The following MARK3 variants were observed in gnomAD, a reference collection of about 807,000 sequenced individuals.
MARK3 encodes the protein MAP/microtubule affinity-regulating kinase 3.
A neutral mutation model predicts 90.1 loss-of-function variants in MARK3; 46 were observed. That is an observed-to-expected ratio of 0.51 (90% CI 0.40 to 0.65). The LOEUF (loss-of-function observed/expected upper bound fraction) is 0.65. Among genes scored for constraint, MARK3 ranks in the 30% least tolerant of loss-of-function variants. MARK3 has a pLI of 0.00. For synonymous variants in MARK3, 321 were observed against 332.6 expected, an observed-to-expected ratio of 0.97 and a Z score of 0.38; for missense variants, 818 against 947.2, an observed-to-expected ratio of 0.86 and a Z score of 1.79.
rs2093605076 is a variant in MARK3, at chr14:103,470,455, A to ATTTTTTTTTTTATTTTTATTT, written c.1264+2280_1264+2281insATTTTTATTTTTTTTTTTTTT. 3.6e-5 allele frequency among the ~76,000 whole-genome samples: 2 copies of ATTTTTTTTTTTATTTTTATTT among 55,050 alleles called. 1 individual carries two copies. Among genetic ancestry groups the ATTTTTTTTTTTATTTTTATTT allele is most frequent in the South Asian group, 2.3e-3 (2 of 880 alleles). The allele number at this position is 55,050 out of a possible 152,430, so 36.1% of individuals were successfully genotyped here. On this transcript the variant is annotated intron_variant, in intron 12 of 17. Transcript: ENST00000429436. The stretch of plus-strand genomic sequence containing the variant: ...ATTCCAGGATTCAGGAACTAAATCT[A>ATTTTTTTTTTTATTTTTATTT]TTTTTTTTTTTTTTTTTGAGATGGA...
intron 2 of MARK3, among the ~76,000 whole-genome samples, chr14:103,406,086 G>C (rs759385046): frequency 6.6e-6 from 1 of 151,612 alleles, no homozygotes; most frequent in Non-Finnish European, 1.5e-5. Context: ...GTAGAGACAG[G>C]GTTCTCACCG....
chr14:103,391,089 G>C (rs1487895672), intron 1 of MARK3, among the ~76,000 whole-genome samples: 4 of 152,162 alleles, frequency 2.6e-5, no homozygotes. Context: ...CTCAGCCACA[G>C]GGTGATTTTG....
intron 2 of MARK3, 66 bp from the exon 3 acceptor site, chr14:103,428,321 C>G (rs2092475430): frequency 2.4e-6 from 2 of 820,772 alleles, no homozygotes; most frequent in South Asian, 1.8e-5. Context: ...TGCCATATAT[C>G]TTGGCATTTA....
chr14:103,392,020 T>C (rs1475585620), intron 1 of MARK3, among the ~76,000 whole-genome samples: 3 of 152,212 alleles, frequency 2.0e-5, no homozygotes, highest in Non-Finnish European at 4.4e-5. Flanking sequence ...GGTAATGTTA[T>C]TGGCCAAAGT....
intron 10 of MARK3, 127 bp downstream of exon 10, chr14:103,466,569 G>T: frequency 1.6e-6 from 1 of 613,694 alleles, no homozygotes; most frequent in South Asian, 2.5e-5. Context: ...CAGTTTATCT[G>T]TTCTGTCATA....
intron 5 of MARK3, among the ~76,000 whole-genome samples, chr14:103,456,553 C>T (rs2093282447): frequency 6.6e-6 from 1 of 152,224 alleles, no homozygotes; most frequent in African/African-American, 2.4e-5. Flanking sequence ...CACACAGGCT[C>T]ACTTGTCTGT....
intron 2 of MARK3, among the ~76,000 whole-genome samples, chr14:103,424,973 G>T (rs958622503): frequency 4.0e-5 from 6 of 151,820 alleles, no homozygotes; most frequent in African/African-American, 1.5e-4. Context: ...AGGGAGTCTC[G>T]CTGTCTTGCC....
chr14:103,406,888 C>T (rs962178397), intron 2 of MARK3, among the ~76,000 whole-genome samples: 2 of 152,066 alleles, frequency 1.3e-5, no homozygotes, highest in African/African-American at 4.8e-5. Context: ...GGCTGGAGTG[C>T]AGTGGTGCAA....
At chr14:103,430,118 T>C (rs2092536914) in intron 3 of MARK3, among the ~76,000 whole-genome samples, 1 of 152,198 alleles carries the variant, frequency 6.6e-6, no homozygotes, top group Non-Finnish European at 1.5e-5. Context: ...CTGAATTAAT[T>C]TTGACTTATA....
At chr14:103,450,921 CTTTTTTTT>C (rs869030067) in intron 4 of MARK3, among the ~76,000 whole-genome samples, 1 of 52,612 alleles carries the variant, frequency 1.9e-5, no homozygotes, top group Non-Finnish European at 3.5e-5. Flanking sequence ...TGTGTGTATT[CTTTTTTTT>C]TTTTTTTTTT....
chr14:103,412,490 A>T (rs751081417), intron 2 of MARK3: 5 of 506,606 alleles, frequency 9.9e-6, no homozygotes, highest in Non-Finnish European at 1.8e-5. Context: ...CTTATTCTTG[A>T]GTTTTTTTGG....
At chr14:103,429,960 C>T (rs2092531524) in intron 3 of MARK3, among the ~76,000 whole-genome samples, 1 of 152,076 alleles carries the variant, frequency 6.6e-6, no homozygotes, top group African/African-American at 2.4e-5. Context: ...TTCTTGTTTG[C>T]TTGCTTCCTT....
At chr14:103,501,609 G>A (rs932659604) in intron 17 of MARK3, among the ~76,000 whole-genome samples, 1 of 151,956 alleles carries the variant, frequency 6.6e-6, no homozygotes. Context: ...GCTCTCCTCA[G>A]ATGCAGGCCC....
At chr14:103,457,271 A>G in intron 6 of MARK3, 59 bp downstream of exon 6, 1 of 1,290,336 alleles carries the variant, frequency 7.7e-7, no homozygotes, top group Non-Finnish European at 1.1e-6. Context: ...TTAAACCCTG[A>G]AGCAAACAAG....
intron 11 of MARK3, 92 bp downstream of exon 11, chr14:103,467,283 A>C: frequency 1.7e-6 from 1 of 578,830 alleles, no homozygotes; most frequent in Non-Finnish European, 3.0e-6. Flanking sequence ...GAATATTTGT[A>C]ACATTTGATA....
intron 11 of MARK3, chr14:103,467,699 A>G (rs770747625): frequency 9.4e-4 from 141 of 150,606 alleles, no homozygotes; most frequent in Non-Finnish European, 1.7e-3. Context: ...AAAAAAAAAG[A>G]TGGATGTTGT....
At chr14:103,457,731 T>G (rs887103533) in intron 6 of MARK3, among the ~76,000 whole-genome samples, 1 of 152,198 alleles carries the variant, frequency 6.6e-6, no homozygotes, top group African/African-American at 2.4e-5. Context: ...TAATAATAAT[T>G]ACTGTTATCT....
chr14:103,498,427 T>C (rs2075463991), intron 15 of MARK3, 75 bp from the exon 16 acceptor site: 3 of 1,038,114 alleles, frequency 2.9e-6, no homozygotes, highest in South Asian at 3.8e-5. Context: ...CTCTCTGTAA[T>C]TGATTAGATT....
chr14:103,385,918 C>G lies in MARK3; in HGVS notation c.-112C>G. 1.2e-6 allele frequency: 1 copy of G among 843,660 alleles called. No homozygotes were observed. The highest frequency in any genetic ancestry group is 2.5e-5 in the East Asian group (1 of 40,646). The allele number at this position is 843,660 out of a possible 1,614,324, so 52.3% of individuals were successfully genotyped here. ...CGTAGGGGGAAGGGAGCCGCCCTCC[C>G]CACGGCGCCTTTTCGGAACTGCCGT... On this transcript the variant is annotated 5_prime_UTR_variant, in exon 1 of 18. Coordinates refer to ENST00000429436, the MANE Select transcript of MARK3 (RefSeq NM_001128918.3).
Sources: allele counts gnomAD v4.1 joint callset (sites outside exome capture counted in the v4.1 genomes callset), GRCh38; gene constraint gnomAD v4.1.1; transcripts MANE v1.5; gene names NCBI Gene and HGNC (gene_info 2026-07-23, HGNC 2026-07-21).